CCDC144A: variants seen among roughly 807,000 people sequenced by gnomAD.
CCDC144A encodes the protein coiled-coil domain containing 144A.
A neutral mutation model predicts 143.8 loss-of-function variants in CCDC144A; 41 were observed. The ratio of observed to expected loss-of-function variants is 0.29; its 90% CI spans 0.22 to 0.37. The LOEUF (loss-of-function observed/expected upper bound fraction) is 0.37, where lower values mean the gene tolerates loss of function less well. CCDC144A is among the 10% of genes least tolerant of loss of function. CCDC144A has a pLI of 1.00. For missense variants in CCDC144A, 637 were observed against 1,488.8 expected, an observed-to-expected ratio of 0.43 and a Z score of 9.41; for synonymous variants, 242 against 517.9, an observed-to-expected ratio of 0.47 and a Z score of 7.23.
intron 8 of CCDC144A, among the ~76,000 whole-genome samples, chr17:16,725,356 T>C (rs1913356031): frequency 6.6e-6 from 1 of 152,118 alleles, no homozygotes. Context: ...TCTCAGTTAG[T>C]CCAGTAATTT....
intron 8 of CCDC144A, among the ~76,000 whole-genome samples, chr17:16,725,378 T>C (rs1018566608): frequency 4.6e-5 from 7 of 152,094 alleles, no homozygotes; most frequent in African/African-American, 1.7e-4. Context: ...TATGATTTAT[T>C]TTTATCTCCC....
chr17:16,688,484 G>GTTTTTTTTTTTTTTTTTTTT (rs66493875), upstream of CCDC144A, among the ~76,000 whole-genome samples: 1 of 71,622 alleles, frequency 1.4e-5, no homozygotes, highest in African/African-American at 5.3e-5. Flanking sequence ...TTCTTTTTCT[G>GTTTTTTTTTTTTTTTTTTTT]TTTTTTTTTT....
intron 6 of CCDC144A, among the ~76,000 whole-genome samples, chr17:16,719,601 G>T (rs1912970757): frequency 6.6e-6 from 1 of 151,996 alleles, no homozygotes; most frequent in Admixed American, 6.6e-5. Flanking sequence ...CAGTCACTTG[G>T]CCCTTCTGTG....
At chr17:16,756,244 A>C (rs1741064324) in intron 12 of CCDC144A, among the ~76,000 whole-genome samples, 1 of 152,260 alleles carries the variant, frequency 6.6e-6, no homozygotes, top group South Asian at 2.1e-4. Context: ...AATATCTGAA[A>C]AAATTTTGGC....
chr17:16,678,120 A>G, the CCDC144A span, among the ~76,000 whole-genome samples: 5 of 152,202 alleles, frequency 3.3e-5, no homozygotes, highest in Admixed American at 3.3e-4. Flanking sequence ...TGGAGTTTTA[A>G]TGTACAAACC....
In CCDC144A at chr17:16,771,837, T is replaced by C. The variant is rs1915832540; in HGVS notation, c.4099-140T>C. 1.1e-5 allele frequency: 7 copies of C among 656,982 alleles called. No individual in the cohort carries two copies. The Admixed American group carries it at 1.9e-4, about 18-fold the overall frequency. The allele number at this position is 656,982 out of a possible 1,614,324, so 40.7% of individuals were successfully genotyped here. A position where few individuals can be genotyped will look rare whatever the true frequency, so the allele number is the denominator to read the frequency against. The stretch of plus-strand genomic sequence containing the variant: ...AACTTAAAATAGGTAGGAATTTATA[T>C]GATATTTTTAATTTAAGCAATCTTC... On this transcript the variant is annotated intron_variant, in intron 15 of 16. Transcript: ENST00000399273.
upstream of CCDC144A, among the ~76,000 whole-genome samples, chr17:16,685,032 T>TTTTGG (rs941089331): frequency 9.2e-5 from 14 of 152,334 alleles, no homozygotes; most frequent in African/African-American, 3.4e-4. Flanking sequence ...TAATACATTT[T>TTTTGG]TTTGGTTTGG....
At chr17:16,699,995 A>C (rs1327492055) in intron 2 of CCDC144A, among the ~76,000 whole-genome samples, 1 of 152,188 alleles carries the variant, frequency 6.6e-6, no homozygotes, top group African/African-American at 2.4e-5. Flanking sequence ...TAACACATCA[A>C]CTTAAACAAT....
chr17:16,751,672 C>T (rs1042713713), intron 12 of CCDC144A, among the ~76,000 whole-genome samples: 2 of 152,228 alleles, frequency 1.3e-5, no homozygotes, highest in Non-Finnish European at 2.9e-5. Context: ...TGGGGATGTG[C>T]TGGTTGTCTG....
the CCDC144A span, chr17:16,683,503 G>A: frequency 1.0e-5 from 15 of 1,499,274 alleles, no homozygotes; most frequent in Admixed American, 1.7e-5. Flanking sequence ...CGCTCTCGCG[G>A]GTTCGGGATG....
At chr17:16,753,447 TTTTTTTTTTG>T (rs1914914349) in intron 12 of CCDC144A, among the ~76,000 whole-genome samples, 2 of 131,612 alleles carry the variant, frequency 1.5e-5, no homozygotes, top group African/African-American at 6.5e-5. Context: ...TTTTTTTTTT[TTTTTTTTTTG>T]TAAAGCTCTT....
intron 3 of CCDC144A, chr17:16,706,802 G>A (rs1912090437): frequency 6.6e-6 from 1 of 152,148 alleles, no homozygotes; most frequent in Admixed American, 6.5e-5. Flanking sequence ...GACATGTAAA[G>A]CAATAATTGA....
At chr17:16,707,632 C>A in intron 4 of CCDC144A, 90 bp downstream of exon 4, 1 of 701,282 alleles carries the variant, frequency 1.4e-6, no homozygotes, top group Non-Finnish European at 2.3e-6. Flanking sequence ...ATGAAATTAC[C>A]TCTCAGACTA....
chr17:16,729,116 T>C (rs1913580963), intron 9 of CCDC144A, among the ~76,000 whole-genome samples: 1 of 152,212 alleles, frequency 6.6e-6, no homozygotes, highest in Non-Finnish European at 1.5e-5. Context: ...CAGTAGGGGA[T>C]TGTTGGATTG....
In CCDC144A at chr17:16,775,423, CATT is replaced by C. The variant is rs1915972107; in HGVS notation, c.*1791_*1793del. ...TTCTGACTGTTGTGAGATGGTGTCT[CATT>C]GTGGTTTTGATTTGCATTTCTCAGA... On this transcript the variant is annotated 3_prime_UTR_variant, in exon 17 of 17. Transcript: ENST00000399273. 1 of 152,206 alleles carries C rather than the reference CATT, an allele frequency of 6.6e-6. No individual in the cohort carries two copies. Among genetic ancestry groups the C allele is most frequent in the Non-Finnish European group, 1.5e-5 (1 of 68,056 alleles). The allele number at this position is 152,206 out of a possible 1,614,324, so 9.4% of individuals were successfully genotyped here.
intron 12 of CCDC144A, among the ~76,000 whole-genome samples, chr17:16,756,715 T>G (rs1915104225): frequency 6.6e-6 from 1 of 151,574 alleles, no homozygotes. Context: ...ACTTCTTGTG[T>G]CCTTAATGTT....
chr17:16,770,299 A>G lies in CCDC144A; in HGVS notation c.4099-1678A>G, dbSNP rs1209556361. Among the ~76,000 whole-genome samples the G allele has an allele frequency of 5.3e-3, 798 of 151,966 alleles. 6 individuals carry two copies. Among genetic ancestry groups the G allele is most frequent in the African/African-American group, 0.018 (760 of 41,312 alleles). ...TGAGTAGCTGGGACTACAGGCGCCC[A>G]CCACCATGCCCGGCTAATTTTGTGT... On this transcript the variant is annotated intron_variant, in intron 15 of 16. Coordinates refer to ENST00000399273, the MANE Select transcript of CCDC144A (RefSeq NM_001382000.1).
chr17:16,669,680 T>C, the CCDC144A span, among the ~76,000 whole-genome samples: 1 of 152,214 alleles, frequency 6.6e-6, no homozygotes, highest in Non-Finnish European at 1.5e-5. Context: ...TAAATTTAAA[T>C]GTAGTAGCCA....
intron 12 of CCDC144A, among the ~76,000 whole-genome samples, chr17:16,754,711 T>C (rs1914991482): frequency 6.6e-6 from 1 of 152,278 alleles, no homozygotes; most frequent in African/African-American, 2.4e-5. Context: ...CAGCTTTTAA[T>C]ACAGTGTTCT....
Sources: allele counts gnomAD v4.1 joint callset (sites outside exome capture counted in the v4.1 genomes callset), GRCh38; gene constraint gnomAD v4.1.1; transcripts MANE v1.5; gene names NCBI Gene and HGNC (gene_info 2026-07-23, HGNC 2026-07-21).